The following CIITA variants were observed in gnomAD, a reference collection of about 807,000 sequenced individuals.
CIITA encodes class II major histocompatibility complex transactivator, also known as MHC class II transactivator.
A neutral mutation model predicts 115.1 loss-of-function variants in CIITA; 72 were observed. The ratio of observed to expected loss-of-function variants is 0.63; its 90% confidence interval spans 0.52 to 0.76. The LOEUF (loss-of-function observed/expected upper bound fraction) is 0.76. CIITA is among the 30% of genes least tolerant of loss of function. The pLI is 0.00. For synonymous variants in CIITA, 763 were observed against 635.6 expected (o/e 1.20, Z -3.02); for missense variants, 1,617 against 1,463.8 (o/e 1.10, Z -1.71).
intron 12 of CIITA, among the ~76,000 whole-genome samples, 180 bp downstream of exon 12, chr16:10,909,367 T>C (rs2039402024): frequency 6.6e-6 from 1 of 152,228 alleles, no homozygotes; most frequent in Non-Finnish European, 1.5e-5. Context: ...AGGCGGAGCC[T>C]CTAGAATTGA....
Position 10,904,778 on chromosome 16 carries a change from T to A in CIITA, c.972T>A (p.Ala324=), listed in dbSNP as rs771952314. ...CGTCCCCCACCCAATGCCCGGCAGC[T>A]GGAGAGGTCTCCAACAAGCTTCCAA... ...HKTSPTQCPA[A]GEVSNKLPKW... The change falls in exon 10 of 20, where the codon GCT becomes GCA. Residue 324 remains alanine, a synonymous_variant. Transcript: ENST00000324288. The A allele has an allele frequency of 1.2e-6, 2 of 1,614,170 alleles. No homozygotes were observed. Among genetic ancestry groups the A allele is most frequent in the Non-Finnish European group, 1.7e-6 (2 of 1,180,004 alleles).
At chr16:10,877,624 T>C (rs2035959964) in intron 1 of CIITA, among the ~76,000 whole-genome samples, 1 of 152,178 alleles carries the variant, frequency 6.6e-6, no homozygotes, top group South Asian at 2.1e-4. Context: ...CGAAAGGTTC[T>C]AGAAGTCAGA....
At chr16:10,911,394 C>CTT (rs58367845) in intron 13 of CIITA, among the ~76,000 whole-genome samples, 78,683 of 142,558 alleles carry the variant, frequency 0.55, 21,991 homozygotes, top group South Asian at 0.71. Context: ...CTCTCTCTCT[C>CTT]CCTTCCTTCC....
intron 13 of CIITA, among the ~76,000 whole-genome samples, chr16:10,911,366 GTTTC>G (rs1424300814): frequency 1.1e-4 from 6 of 57,032 alleles, no homozygotes; most frequent in African/African-American, 1.3e-4. Context: ...CTTTCTCTCT[GTTTC>G]TTTCTTTCTT....
In CIITA at chr16:10,918,544, T is replaced by A; in HGVS notation, c.3149+18T>A. The A allele has an allele frequency of 1.2e-6, 2 of 1,611,824 alleles. No homozygotes were observed. The highest frequency in any genetic ancestry group is 1.7e-6 in the Non-Finnish European group (2 of 1,178,356). On this transcript the variant is annotated intron_variant, in intron 16 of 19. Coordinates refer to ENST00000324288, the MANE Select transcript of CIITA (RefSeq NM_000246.4). ...AGGCTAAGGTGAGTGGGGCCCCGGA[T>A]ACCGGTCAGGTGCTGAGCTGGGGGG... is the stretch of plus-strand genomic sequence containing the variant.
Position 10,928,786 on chromosome 16 carries a change from C to A in CIITA, c.*4931C>A, listed in dbSNP as rs927066524. Reference sequence around the variant, plus strand: ...TTCACGCCAGCCCGACTGGGGCAGACTCTCTCAACCCCACTGGATCTTCTG... The same window carrying A: ...TTCACGCCAGCCCGACTGGGGCAGAATCTCTCAACCCCACTGGATCTTCTG... On this transcript the variant is annotated 3_prime_UTR_variant, in exon 20 of 20. Transcript: ENST00000324288. The A allele has an allele frequency of 2.6e-5, 4 of 152,376 alleles. No homozygotes were observed. The highest frequency in any genetic ancestry group is 5.9e-5 in the Non-Finnish European group (4 of 68,074). 9.4% of individuals were successfully genotyped at this position (152,376 alleles called of 1,614,324 possible). A position where few individuals can be genotyped will look rare whatever the true frequency, so the allele number is the denominator to read the frequency against.
At chr16:10,874,787 A>G (rs1168143425), upstream of CIITA, among the ~76,000 whole-genome samples, 1 of 152,128 alleles carries the variant, frequency 6.6e-6, no homozygotes, top group Non-Finnish European at 1.5e-5. Context: ...TGGCTGGCCC[A>G]TTCTAAGTTC....
rs533167736 is a variant in CIITA at position 10,906,394 on chromosome 16, G to T, written c.1007-105G>T. ...CAAAACAAACAAACAAAAAAACTGT[G>T]TGGGGAACAGATGTAAATGATGGTG... is the stretch of plus-strand genomic sequence containing the variant. On this transcript the variant is annotated intron_variant, in intron 10 of 19. Coordinates refer to ENST00000324288, the MANE Select transcript of CIITA (RefSeq NM_000246.4). 28 of 1,324,948 alleles carry T rather than the reference G, an allele frequency of 2.1e-5. No homozygotes were observed. The Admixed American group carries it at 3.0e-4, about 14-fold the overall frequency. The allele number at this position is 1,324,948 out of a possible 1,614,324, so 82.1% of individuals were successfully genotyped here.
intron 15 of CIITA, among the ~76,000 whole-genome samples, chr16:10,917,827 C>T (rs1018162336): frequency 2.6e-5 from 4 of 152,212 alleles, no homozygotes; most frequent in Non-Finnish European, 5.9e-5. Flanking sequence ...TCTTCCCACA[C>T]TCCCCCTCAC....
chr16:10,911,657 G>T (rs1020498240), intron 13 of CIITA, among the ~76,000 whole-genome samples: 7 of 151,924 alleles, frequency 4.6e-5, no homozygotes, highest in Non-Finnish European at 8.8e-5. Context: ...CTAGGCTCAA[G>T]TGATCCTCCC....
At chr16:10,875,587 A>G (rs2035776592), upstream of CIITA, among the ~76,000 whole-genome samples, 2 of 152,142 alleles carry the variant, frequency 1.3e-5, no homozygotes, top group Admixed American at 1.3e-4. Flanking sequence ...TACCACCTTC[A>G]TCATTTTTGT....
chr16:10,894,134 G>A lies in CIITA; in HGVS notation c.53-1148G>A, dbSNP rs1596492127. On this transcript the variant is annotated intron_variant, in intron 1 of 19. Transcript: ENST00000324288. ...CCCAAAGTGCTGGGATTTCAGGCAT[G>A]AGCCACCACGCCCCACCCCTCCTAC... 3.9e-5 allele frequency among the ~76,000 whole-genome samples: 6 copies of A among 152,292 alleles called. No homozygotes were observed. In the Middle Eastern group the frequency reaches 0.014, roughly 345 times the overall value.
chr16:10,868,604 T>C (rs920689792), intron 1 of CIITA, among the ~76,000 whole-genome samples: 1 of 152,130 alleles, frequency 6.6e-6, no homozygotes, highest in African/African-American at 2.4e-5. Flanking sequence ...AGACAGCCAG[T>C]GTGGTCTTGA....
intron 1 of CIITA, among the ~76,000 whole-genome samples, chr16:10,867,114 G>C (rs1377142535): frequency 6.6e-6 from 1 of 152,094 alleles, no homozygotes; most frequent in East Asian, 1.9e-4. Flanking sequence ...CATCCTGGTG[G>C]GTGCCTGTAG....
chr16:10,866,938 A>G (rs2035111770), intron 1 of CIITA, among the ~76,000 whole-genome samples: 1 of 152,178 alleles, frequency 6.6e-6, no homozygotes, highest in South Asian at 2.1e-4. Context: ...AGGCACAATC[A>G]GTGTGAGTCA....
chr16:10,906,445 C>T lies in CIITA; in HGVS notation c.1007-54C>T, dbSNP rs199476068. The T allele has an allele frequency of 3.2e-6, 5 of 1,586,358 alleles. No homozygotes were observed. In the African/African-American group the frequency reaches 4.0e-5, roughly 13 times the overall value. ...GCAGTGCTGGCCTTGTGGTGGCTGGCCCTGGCCCTGCCTCTCACATACCCC... is the reference window on the plus strand; with the variant it reads ...GCAGTGCTGGCCTTGTGGTGGCTGGTCCTGGCCCTGCCTCTCACATACCCC... On this transcript the variant is annotated intron_variant, in intron 10 of 19. Transcript: ENST00000324288.
Position 10,877,339 on chromosome 16 carries a change from C to G in CIITA, c.9C>G (p.Cys3Trp). The change falls in exon 1 of 20, where the codon TGC (cysteine) becomes TGG (tryptophan). Residue 3 changes from cysteine (C) to tryptophan (W), a missense_variant. Cys to Trp is a radical substitution (Grantham distance 215, BLOSUM62 -2). Coordinates refer to ENST00000324288, the MANE Select transcript of CIITA (RefSeq NM_000246.4). Reference protein sequence around the residue: MRCLAPRPAGSYL... With the variant: MRWLAPRPAGSYL... Reference sequence around the variant, plus strand: ...GCTGGGATTCCTACACAATGCGTTGCCTGGCTCCACGCCCTGCTGGGTCCT... The same window carrying G: ...GCTGGGATTCCTACACAATGCGTTGGCTGGCTCCACGCCCTGCTGGGTCCT... The G allele has an allele frequency of 6.2e-7, 1 of 1,613,112 alleles. No individual in the cohort carries two copies. The highest frequency in any genetic ancestry group is 8.5e-7 in the Non-Finnish European group (1 of 1,179,498).
intron 5 of CIITA, among the ~76,000 whole-genome samples, chr16:10,900,990 T>C (rs967962620): frequency 6.6e-6 from 1 of 152,156 alleles, no homozygotes; most frequent in Non-Finnish European, 1.5e-5. Flanking sequence ...TCAGCATCCT[T>C]TCTTTTAAGG....
chr16:10,878,844 T>G, intron 1 of CIITA: 1 of 230,138 alleles, frequency 4.3e-6, no homozygotes. Context: ...AAGCACGTGG[T>G]GGCCACAGTA....
Sources: allele counts gnomAD v4.1 joint callset (sites outside exome capture counted in the v4.1 genomes callset), GRCh38; gene constraint gnomAD v4.1.1; transcripts MANE v1.5; gene names NCBI Gene and HGNC (gene_info 2026-07-23, HGNC 2026-07-21).